IQGAP2: variants seen among roughly 807,000 people sequenced by gnomAD.
The protein encoded by IQGAP2 is ras GTPase-activating-like protein IQGAP2.
Under a neutral mutation model 201.3 loss-of-function variants are expected in IQGAP2, and 173 were observed. The ratio of observed to expected loss-of-function variants is 0.86; its 90% CI spans 0.76 to 0.98. The LOEUF (loss-of-function observed/expected upper bound fraction) is 0.98, where lower values mean the gene tolerates loss of function less well. Among genes scored for constraint, IQGAP2 ranks in the 50% least tolerant of loss-of-function variants. IQGAP2 has a pLI of 0.00. For missense variants in IQGAP2, 1,687 were observed against 1,864.8 expected, an observed-to-expected ratio of 0.90 and a Z score of 1.76; for synonymous variants, 675 against 673.9, an observed-to-expected ratio of 1.00 and a Z score of -0.03.
intron 2 of IQGAP2, among the ~76,000 whole-genome samples, chr5:76,483,601 G>A (rs1055476448): frequency 1.2e-4 from 19 of 152,138 alleles, no homozygotes; most frequent in Admixed American, 9.8e-4. Context: ...GGGTGTTTTC[G>A]AGTCAAGCAC....
chr5:76,609,186 G>C (rs1387464706), intron 12 of IQGAP2: 1 of 1,535,902 alleles, frequency 6.5e-7, no homozygotes, highest in Non-Finnish European at 8.7e-7. Context: ...CCAGGTGATC[G>C]GCCTTGGTTC....
chr5:76,610,072 CTCTCTA>C (rs1224854473), intron 12 of IQGAP2, among the ~76,000 whole-genome samples: 4 of 4,176 alleles, frequency 9.6e-4, no homozygotes, highest in Admixed American at 7.5e-3. Context: ...CTCTCTCTCT[CTCTCTA>C]TATATATATA....
chr5:76,632,797 T>C (rs2150386752), intron 15 of IQGAP2, among the ~76,000 whole-genome samples: 1 of 146,552 alleles, frequency 6.8e-6, no homozygotes, highest in South Asian at 2.3e-4. Context: ...TGTGTGGCCT[T>C]AGAAGTAGAG....
At chr5:76,656,872 C>T (rs778003301) in intron 20 of IQGAP2, among the ~76,000 whole-genome samples, 3 of 148,044 alleles carry the variant, frequency 2.0e-5, no homozygotes, top group Non-Finnish European at 4.5e-5. Context: ...CTTTAGAAAA[C>T]TAAGGCTTTG....
chr5:76,547,912 G>T (rs1206466865), intron 2 of IQGAP2, among the ~76,000 whole-genome samples: 2 of 152,180 alleles, frequency 1.3e-5, no homozygotes, highest in African/African-American at 2.4e-5. Context: ...TCTCCACCTG[G>T]AAGACATTGG....
intron 23 of IQGAP2, 132 bp from the exon 24 acceptor site, chr5:76,671,627 G>A: frequency 1.5e-5 from 9 of 615,734 alleles, no homozygotes; most frequent in Non-Finnish European, 2.6e-5. Flanking sequence ...GGTGGAGGTT[G>A]CAGTGAACCA....
intron 13 of IQGAP2, among the ~76,000 whole-genome samples, chr5:76,614,692 C>T (rs1748764707): frequency 7.1e-6 from 1 of 140,974 alleles, no homozygotes; most frequent in Non-Finnish European, 1.5e-5. Context: ...TCAAGTGATC[C>T]TCCCACCTCA....
At chr5:76,541,792 C>G (rs1742794144) in intron 2 of IQGAP2, among the ~76,000 whole-genome samples, 1 of 152,132 alleles carries the variant, frequency 6.6e-6, no homozygotes, top group South Asian at 2.1e-4. Flanking sequence ...CTTTTATATA[C>G]CTGCTTGTCA....
At chr5:76,653,718 T>A (rs1375680409) in intron 18 of IQGAP2, among the ~76,000 whole-genome samples, 1 of 152,236 alleles carries the variant, frequency 6.6e-6, no homozygotes, top group Non-Finnish European at 1.5e-5. Flanking sequence ...ATGGAACATA[T>A]GCCTATTCTG....
rs755864650 is a variant in IQGAP2, at chr5:76,654,938, A to G, written c.2255A>G (p.Asn752Ser). 1.9e-6 allele frequency: 3 copies of G among 1,609,070 alleles called. No homozygotes were observed. Among genetic ancestry groups the G allele is most frequent in the Non-Finnish European group, 2.6e-6 (3 of 1,175,604 alleles). Reference protein sequence around the residue: ...SRLQYFRDHNNEIVKIQSLLR... With the variant: ...SRLQYFRDHNSEIVKIQSLLR... Reference sequence around the variant, plus strand: ...ACTTGTCTTAATCTTTTGCAGAATAATGAAATTGTGAAAATACAGTCACTG... The same window carrying G: ...ACTTGTCTTAATCTTTTGCAGAATAGTGAAATTGTGAAAATACAGTCACTG... The change falls in exon 20 of 36, where the codon AAT becomes AGT. Residue 752 changes from asparagine to serine, a missense_variant. Asn to Ser is a conservative substitution (Grantham distance 46). Transcript: ENST00000274364.
chr5:76,642,882 T>C (rs1040013765), intron 17 of IQGAP2, among the ~76,000 whole-genome samples: 1 of 152,168 alleles, frequency 6.6e-6, no homozygotes, highest in African/African-American at 2.4e-5. Flanking sequence ...ATGATCAACA[T>C]CCAGCATTCT....
At chr5:76,414,656 C>A (rs1318113554) in intron 1 of IQGAP2, among the ~76,000 whole-genome samples, 2 of 152,072 alleles carry the variant, frequency 1.3e-5, no homozygotes, top group Non-Finnish European at 2.9e-5. Context: ...CTTGTTTCTA[C>A]AAAAACAAAA....
At chr5:76,581,576 C>G (rs1745853092) in intron 5 of IQGAP2, among the ~76,000 whole-genome samples, 1 of 152,152 alleles carries the variant, frequency 6.6e-6, no homozygotes, top group African/African-American at 2.4e-5. Context: ...GCCTTTCTGT[C>G]TTCCTAAATT....
At chr5:76,642,186 T>C (rs1433994912) in intron 17 of IQGAP2, among the ~76,000 whole-genome samples, 1 of 152,146 alleles carries the variant, frequency 6.6e-6, no homozygotes, top group Non-Finnish European at 1.5e-5. Flanking sequence ...TCTACACTGA[T>C]GAGACTCTAA....
chr5:76,460,637 G>C (rs1319862051), intron 1 of IQGAP2, among the ~76,000 whole-genome samples: 1 of 152,144 alleles, frequency 6.6e-6, no homozygotes, highest in African/African-American at 2.4e-5. Context: ...TTTCTGAAAT[G>C]TGAGAGCTCA....
Position 76,606,236 on chromosome 5 carries a change from C to G in IQGAP2, c.1290C>G (p.Asn430Lys), listed in dbSNP as rs1747794554. 6.2e-7 allele frequency: 1 copy of G among 1,605,040 alleles called. No homozygotes were observed. Among genetic ancestry groups the G allele is most frequent in the East Asian group, 2.2e-5 (1 of 44,652 alleles). The change falls in exon 12 of 36, where the codon AAC (asparagine) becomes AAG (lysine). Residue 430 changes from asparagine (N) to lysine (K), a missense_variant. Transcript: ENST00000274364. Reference sequence around the variant, plus strand: ...AAGTTTTATCCCAAGGGCAAGATAACTTAAGCTGGAATGAAATTCAGAATT... The same window carrying G: ...AAGTTTTATCCCAAGGGCAAGATAAGTTAAGCTGGAATGAAATTCAGAATT... ...KLEVLSQGQD[N>K]LSWNEIQNCI... is the part of the protein sequence containing the mutation.
At chr5:76,567,402 AAACGCTTCT>A in intron 3 of IQGAP2, among the ~76,000 whole-genome samples, 1 of 152,366 alleles carries the variant, frequency 6.6e-6, no homozygotes, top group South Asian at 2.1e-4. Flanking sequence ...CAGAAACTCG[AAACGCTTCT>A]AATGCCAAAC....
At chr5:76,527,401 C>T (rs1223717093) in intron 2 of IQGAP2, among the ~76,000 whole-genome samples, 1 of 152,152 alleles carries the variant, frequency 6.6e-6, no homozygotes, top group African/African-American at 2.4e-5. Flanking sequence ...CCTTCATTAG[C>T]CCTGCACTTC....
At chr5:76,600,718 TTTTGTTG>T in intron 10 of IQGAP2, 87 bp from the exon 11 acceptor site, 1 of 1,449,670 alleles carries the variant, frequency 6.9e-7, no homozygotes, top group Non-Finnish European at 9.4e-7. Flanking sequence ...TTCTTTGACT[TTTTGTTG>T]TTTGTTGAAA....
Sources: allele counts gnomAD v4.1 joint callset (sites outside exome capture counted in the v4.1 genomes callset), GRCh38; gene constraint gnomAD v4.1.1; transcripts MANE v1.5; gene names NCBI Gene and HGNC (gene_info 2026-07-23, HGNC 2026-07-21).